CARMIL3: variants seen among roughly 807,000 people sequenced by gnomAD.
The protein encoded by CARMIL3 is capping protein, Arp2/3 and myosin-I linker protein 3.
A neutral mutation model predicts 180.8 loss-of-function variants in CARMIL3; 88 were observed. That is an observed-to-expected ratio of 0.49 (90% CI 0.41 to 0.58). The LOEUF is 0.58. Among genes scored for constraint, CARMIL3 ranks in the 20% least tolerant of loss-of-function variants. The pLI, the probability that CARMIL3 is intolerant of heterozygous loss-of-function variation, is 0.00. For missense variants in CARMIL3, 1,548 were observed against 1,787.0 expected (o/e 0.87, Z 2.41); for synonymous variants, 696 against 714.5 (o/e 0.97, Z 0.41).
chr14:24,064,843 G>C (rs914276079), intron 32 of CARMIL3, 115 bp from the exon 33 acceptor site: 4 of 1,074,168 alleles, frequency 3.7e-6, no homozygotes, highest in Non-Finnish European at 5.4e-6. Flanking sequence ...TGAGAACTAA[G>C]TGGAAAGGGC....
chr14:24,058,827 G>T lies in CARMIL3; in HGVS notation c.1475-63G>T. ...CAGGGGCCTGGAGCATGCAGAAGCA[G>T]CCCTGATGGGACACCAGTCAGCCTC... On this transcript the variant is annotated intron_variant, in intron 18 of 39. Coordinates refer to ENST00000342740, the MANE Select transcript of CARMIL3 (RefSeq NM_138360.4). The surrounding 1 kb of genome is among the most constrained non-coding windows in gnomAD (Gnocchi z 6.4). The T allele has an allele frequency of 6.2e-7, 1 of 1,612,516 alleles. No homozygotes were observed. The highest frequency in any genetic ancestry group is 1.1e-5 in the South Asian group (1 of 91,038).
At position 24,069,156 on chromosome 14, in the gene CARMIL3, G is replaced by C; in HGVS notation, c.4002G>C (p.Arg1334=). Residue 1334 remains arginine, a synonymous_variant, in exon 39 of 40, where the codon CGG becomes CGC. Coordinates refer to ENST00000342740, the MANE Select transcript of CARMIL3 (RefSeq NM_138360.4). ...PEVQGPPDPG[R]RTAPLKPKRT... is the part of the protein sequence containing the mutation. Reference sequence around the variant, plus strand: ...TTTCAGGGCCCCCTGATCCAGGCCGGCGGACTGCCCCCCTGAAGCCCAAGA... The same window carrying C: ...TTTCAGGGCCCCCTGATCCAGGCCGCCGGACTGCCCCCCTGAAGCCCAAGA... The C allele has an allele frequency of 6.2e-7, 1 of 1,614,048 alleles. No individual in the cohort carries two copies. The highest frequency in any genetic ancestry group is 8.5e-7 in the Non-Finnish European group (1 of 1,179,982).
intron 34 of CARMIL3, 78 bp from the exon 35 acceptor site, chr14:24,066,320 C>A: frequency 6.6e-7 from 1 of 1,512,816 alleles, no homozygotes; most frequent in Admixed American, 1.8e-5. Context: ...CATGGAGATG[C>A]TAGAGCAGAA....
In CARMIL3 at chr14:24,056,280, T is replaced by G. The variant is rs1240151905; in HGVS notation, c.771-19T>G. On this transcript the variant is annotated intron_variant, in intron 10 of 39. Transcript: ENST00000342740. Reference sequence around the variant, plus strand: ...CTGGGGCTCAGCTCAGGACAAATCCTTCCTCCCCTTCCCTGAAGGGACTTT... The same window carrying G: ...CTGGGGCTCAGCTCAGGACAAATCCGTCCTCCCCTTCCCTGAAGGGACTTT... 6.2e-7 allele frequency: 1 copy of G among 1,607,538 alleles called. No homozygotes were observed. Among genetic ancestry groups the G allele is most frequent in the East Asian group, 2.2e-5 (1 of 44,802 alleles).
rs2035786657 is a variant in CARMIL3, at chr14:24,066,383, C to T, written c.3526-15C>T. 1 of 1,613,698 alleles carries T rather than the reference C, an allele frequency of 6.2e-7. No homozygotes were observed. Among genetic ancestry groups the T allele is most frequent in the East Asian group, 2.2e-5 (1 of 44,872 alleles). Reference sequence around the variant, plus strand: ...AGAGGAGACTTTCTTACAACCTGACCCACTGTTCTTTCAGGGCCCAGGCCC... The same window carrying T: ...AGAGGAGACTTTCTTACAACCTGACTCACTGTTCTTTCAGGGCCCAGGCCC... On this transcript the variant is annotated splice_polypyrimidine_tract_variant and intron_variant, in intron 34 of 39. Transcript: ENST00000342740.
chr14:24,054,056 C>T lies in CARMIL3; in HGVS notation c.136-32C>T, dbSNP rs2035645449. On this transcript the variant is annotated intron_variant, in intron 2 of 39. Coordinates refer to ENST00000342740, the MANE Select transcript of CARMIL3 (RefSeq NM_138360.4). The surrounding 1 kb of genome is among the most constrained non-coding windows in gnomAD (Gnocchi z 5.1). ...AGGGCCACCAAGGCCCAGCAGCTGC[C>T]ATGAGCTGCCGATTTTTTCCTCTCT... 6.2e-7 allele frequency: 1 copy of T among 1,611,692 alleles called. No homozygotes were observed. Among genetic ancestry groups the T allele is most frequent in the East Asian group, 2.2e-5 (1 of 44,890 alleles).
chr14:24,060,677 G>A lies in CARMIL3; in HGVS notation c.2111G>A (p.Arg704Lys). ...GTGCAGGAGGAGGTGCGGGCCCTGA[G>A]ACTATGCCCCCTGGAGCCTGTGCAG... The part of the protein sequence containing the change: ...GRVQEEVRAL[R>K]LCPLEPVQDE... Residue 704 changes from arginine (R) to lysine (K), a missense_variant, in exon 25 of 40, where the codon AGA becomes AAA. Arg to Lys is a conservative substitution (Grantham distance 26). Transcript: ENST00000342740. The A allele has an allele frequency of 6.2e-7, 1 of 1,613,996 alleles. No homozygotes were observed. The highest frequency in any genetic ancestry group is 8.5e-7 in the Non-Finnish European group (1 of 1,179,946).
At chr14:24,066,240 C>T (rs777721383) in intron 34 of CARMIL3, among the ~76,000 whole-genome samples, 158 bp from the exon 35 acceptor site, 2 of 152,146 alleles carry the variant, frequency 1.3e-5, no homozygotes, top group African/African-American at 2.4e-5. Context: ...TCTTGTGCCC[C>T]TGGGGAGGTA....
At chr14:24,055,460 C>G (rs1045300220) in intron 8 of CARMIL3, 83 bp from the exon 9 acceptor site, 2 of 1,549,578 alleles carry the variant, frequency 1.3e-6, no homozygotes, top group Non-Finnish European at 1.8e-6. Flanking sequence ...CCTTCCCCAG[C>G]CCAACCACCC....
rs758351790 is a variant in CARMIL3, at chr14:24,053,749, A to G, written c.81A>G (p.Gln27=). The G allele has an allele frequency of 3.7e-6, 6 of 1,613,736 alleles. No homozygotes were observed. The South Asian group carries it at 5.5e-5, about 15-fold the overall frequency. Residue 27 remains glutamine, a synonymous_variant, in exon 2 of 40, where the codon CAA becomes CAG. Coordinates refer to ENST00000342740, the MANE Select transcript of CARMIL3 (RefSeq NM_138360.4). ...RRCLSQGAVL[Q]QHHVKLETKP... ...GCCTGAGCCAAGGGGCCGTGCTCCA[A>G]CAACATCATGTGAAGTTGGAGACAA...
chr14:24,052,148 G>T lies in CARMIL3; in HGVS notation c.-6G>T. 1 of 1,579,792 alleles carries T rather than the reference G, an allele frequency of 6.3e-7. No homozygotes were observed. ...CTCTGCAGCAGCCTCAGCAGCAGCG[G>T]CCGCCATGGCCAAGCCCAGCGTGGA... On this transcript the variant is annotated 5_prime_UTR_variant, in exon 1 of 40. Coordinates refer to ENST00000342740, the MANE Select transcript of CARMIL3 (RefSeq NM_138360.4).
At chr14:24,057,762 C>T (rs556730676) in intron 14 of CARMIL3, 41 bp from the exon 15 acceptor site, 1 of 1,567,650 alleles carries the variant, frequency 6.4e-7, no homozygotes, top group Non-Finnish European at 8.7e-7. Context: ...CCCCCTACCC[C>T]CTTCCAGCTC....
Position 24,058,789 on chromosome 14 carries a change from G to T in CARMIL3, c.1474+28G>T, listed in dbSNP as rs2035700510. 1.2e-6 allele frequency: 2 copies of T among 1,612,768 alleles called. No homozygotes were observed. Among genetic ancestry groups the T allele is most frequent in the Non-Finnish European group, 1.7e-6 (2 of 1,178,876 alleles). ...GAGTAGTGGTTCCTCCCTTCCCTGGGGCCAGGGGAGAACAGGGGCCTGGAG... is the reference window on the plus strand; with the variant it reads ...GAGTAGTGGTTCCTCCCTTCCCTGGTGCCAGGGGAGAACAGGGGCCTGGAG... On this transcript the variant is annotated intron_variant, in intron 18 of 39. Coordinates refer to ENST00000342740, the MANE Select transcript of CARMIL3 (RefSeq NM_138360.4). This position sits in a 1 kb window ranked among gnomAD's most constrained non-coding sequence, Gnocchi z 6.4.
In CARMIL3 at chr14:24,069,581, A is replaced by G; in HGVS notation, c.*177A>G. The G allele has an allele frequency of 1.4e-6, 1 of 721,420 alleles. No individual in the cohort carries two copies. The highest frequency in any genetic ancestry group is 2.7e-5 in the East Asian group (1 of 36,888). 44.7% of individuals were successfully genotyped at this position (721,420 alleles called of 1,614,324 possible). A position where few individuals can be genotyped will look rare whatever the true frequency, so the allele number is the denominator to read the frequency against. ...AGAACAGAGGGAGCCACCTGGAGAG[A>G]CGGAGGCTGTCAGTGCCTGCCTCGA... On this transcript the variant is annotated 3_prime_UTR_variant, in exon 40 of 40. Coordinates refer to ENST00000342740, the MANE Select transcript of CARMIL3 (RefSeq NM_138360.4).
Position 24,061,889 on chromosome 14 carries a change from C to T in CARMIL3, c.2480+217C>T, listed in dbSNP as rs540460625. 38 of 573,684 alleles carry T rather than the reference C, an allele frequency of 6.6e-5. No individual in the cohort carries two copies. The highest frequency in any genetic ancestry group is 5.6e-4 in the African/African-American group (30 of 53,270). 35.5% of individuals were successfully genotyped at this position (573,684 alleles called of 1,614,324 possible). A position where few individuals can be genotyped will look rare whatever the true frequency, so the allele number is the denominator to read the frequency against. On this transcript the variant is annotated intron_variant, in intron 27 of 39. Coordinates refer to ENST00000342740, the MANE Select transcript of CARMIL3 (RefSeq NM_138360.4). This position sits in a 1 kb window ranked among gnomAD's most constrained non-coding sequence, Gnocchi z 4.1. ...TGGGGTTTAGGAGCCAAGTTTGTGC[C>T]CACACAGGTGTACACACACATACCC... is the stretch of plus-strand genomic sequence containing the variant.
In CARMIL3 at chr14:24,054,017, G is replaced by A; in HGVS notation, c.136-71G>A. On this transcript the variant is annotated intron_variant, in intron 2 of 39. Transcript: ENST00000342740. This position sits in a 1 kb window ranked among gnomAD's most constrained non-coding sequence, Gnocchi z 5.1. Reference sequence around the variant, plus strand: ...AGACACTCCAAGAGCAGAGCTGAAGGGCTTAAGGAGGGCAGGGCCACCAAG... The same window carrying A: ...AGACACTCCAAGAGCAGAGCTGAAGAGCTTAAGGAGGGCAGGGCCACCAAG... 6.4e-7 allele frequency: 1 copy of A among 1,552,442 alleles called. No homozygotes were observed. The highest frequency in any genetic ancestry group is 8.8e-7 in the Non-Finnish European group (1 of 1,131,490).
At chr14:24,057,640 A>G (rs1438511917) in intron 14 of CARMIL3, among the ~76,000 whole-genome samples, 163 bp from the exon 15 acceptor site, 2 of 152,074 alleles carry the variant, frequency 1.3e-5, no homozygotes, top group African/African-American at 2.4e-5. Flanking sequence ...GGGAGAAAAC[A>G]GAGACTTCAA....
chr14:24,052,050 A>C lies in CARMIL3; in HGVS notation c.-104A>C, dbSNP rs1447988604. ...CCGGAGCGGGCTCGGCCGCTGCTGC[A>C]GCGCTCAGCGCCCGGGCCCTGCTGA... On this transcript the variant is annotated 5_prime_UTR_variant, in exon 1 of 40. Coordinates refer to ENST00000342740, the MANE Select transcript of CARMIL3 (RefSeq NM_138360.4). 3.3e-6 allele frequency: 4 copies of C among 1,205,580 alleles called. No homozygotes were observed. The highest frequency in any genetic ancestry group is 4.4e-6 in the Non-Finnish European group (4 of 913,274). 74.7% of individuals were successfully genotyped at this position (1,205,580 alleles called of 1,614,324 possible).
chr14:24,063,414 G>T lies in CARMIL3; in HGVS notation c.2860G>T (p.Ala954Ser), dbSNP rs1045947156. ...AGGACTTGGGGGCAGCCAGCCCACA[G>T]CTAGTGGCTCCTGGGAAGGTCTATC... ...FSGLGGSQPT[A>S]SGSWEGLSEL... The change falls in exon 31 of 40, where the codon GCT (alanine) becomes TCT (serine). Residue 954 changes from alanine (A) to serine (S), a missense_variant. Ala to Ser is a moderately conservative substitution (Grantham distance 99). Transcript: ENST00000342740. The T allele has an allele frequency of 6.2e-7, 1 of 1,613,796 alleles. No individual in the cohort carries two copies. Among genetic ancestry groups the T allele is most frequent in the African/African-American group, 1.3e-5 (1 of 74,924 alleles).
Sources: gnomAD v4.1 joint callset for allele counts (sites outside exome capture counted in the v4.1 genomes callset) on GRCh38, gnomAD v4.1.1 for gene constraint, Gnocchi (gnomAD v3.1) non-coding constraint, MANE v1.5 for transcripts, NCBI Gene and HGNC (gene_info 2026-07-23, HGNC 2026-07-21) for gene names.